The following ATG7 variants were observed in gnomAD, a reference collection of about 807,000 sequenced individuals.
ATG7 encodes the protein autophagy related 7.
A neutral mutation model predicts 82.4 loss-of-function variants in ATG7; 70 were observed. The observed-to-expected ratio is 0.85, with a 90% CI of 0.70 to 1.04. ATG7 has a LOEUF of 1.04. Ranked by LOEUF, ATG7 falls within the 50% of genes least tolerant of loss-of-function variation. The pLI is 0.00. For synonymous variants in ATG7, 287 were observed against 313.0 expected, an observed-to-expected ratio of 0.92 and a Z score of 0.88; for missense variants, 792 against 864.3, an observed-to-expected ratio of 0.92 and a Z score of 1.05.
intron 13 of ATG7, among the ~76,000 whole-genome samples, chr3:11,344,710 A>T (rs112955666): frequency 0.046 from 7,001 of 152,182 alleles, 206 homozygotes; most frequent in African/African-American, 0.079. Flanking sequence ...CTACAAAAAA[A>T]ATATAAAAAT....
At position 11,336,489 on chromosome 3, in the gene ATG7, T is replaced by C. The variant is rs566730596; in HGVS notation, c.889+3396T>C. Among the ~76,000 whole-genome samples, 16 of 152,314 alleles carry C rather than the reference T, an allele frequency of 1.1e-4. No homozygotes were observed. The South Asian group carries it at 3.3e-3, about 32-fold the overall frequency. ...GCAAATGAATTTCCTGTTTTTCATG[T>C]AAATTAATATGTTCCCTCTTAGCTG... On this transcript the variant is annotated intron_variant, in intron 11 of 20. Coordinates refer to ENST00000693202, the MANE Select transcript of ATG7 (RefSeq NM_001349232.2).
chr3:11,376,607 G>A (rs1314936735), intron 18 of ATG7, among the ~76,000 whole-genome samples: 1 of 152,130 alleles, frequency 6.6e-6, no homozygotes, highest in Non-Finnish European at 1.5e-5. Context: ...GAGGGAAGTT[G>A]TAGTTCAGCT....
chr3:11,406,648 CA>C (rs1482570205), intron 19 of ATG7, among the ~76,000 whole-genome samples: 2 of 152,170 alleles, frequency 1.3e-5, no homozygotes, highest in African/African-American at 4.8e-5. Flanking sequence ...ATCAGACTTA[CA>C]GTTCCACATG....
intron 20 of ATG7, among the ~76,000 whole-genome samples, chr3:11,447,972 ATTCCTGTGTCTG>A (rs771144292): frequency 2.6e-5 from 4 of 152,178 alleles, no homozygotes; most frequent in Non-Finnish European, 5.9e-5. Context: ...TCTTAGTTCT[ATTCCTGTGTCTG>A]TTCCTGTCCC....
At chr3:11,554,705 G>A in intron 20 of ATG7, 106 bp from the exon 21 acceptor site, 1 of 1,352,102 alleles carries the variant, frequency 7.4e-7, no homozygotes, top group Non-Finnish European at 1.0e-6. Context: ...CAAGGGAGTG[G>A]TTCTGCAGGT....
At chr3:11,439,851 C>T (rs926079165) in intron 20 of ATG7, among the ~76,000 whole-genome samples, 5 of 152,218 alleles carry the variant, frequency 3.3e-5, no homozygotes, top group African/African-American at 9.6e-5. Context: ...ATTGCGTTAT[C>T]TGTGATTTTC....
chr3:11,480,596 T>C (rs1357107217), intron 20 of ATG7, among the ~76,000 whole-genome samples: 7 of 152,120 alleles, frequency 4.6e-5, no homozygotes, highest in Non-Finnish European at 8.8e-5. Flanking sequence ...AACCTTACAA[T>C]CTGTGCTCAC....
intron 20 of ATG7, among the ~76,000 whole-genome samples, chr3:11,461,353 A>T (rs111806888): frequency 3.3e-5 from 5 of 152,182 alleles, no homozygotes; most frequent in African/African-American, 1.2e-4. Context: ...CCAAAGATAA[A>T]GTCACTTTGG....
At chr3:11,553,785 T>C (rs922592968) in intron 20 of ATG7, among the ~76,000 whole-genome samples, 4 of 151,986 alleles carry the variant, frequency 2.6e-5, no homozygotes, top group Non-Finnish European at 4.4e-5. Context: ...GAGAGGAAAT[T>C]TCCTTCTATT....
intron 20 of ATG7, among the ~76,000 whole-genome samples, chr3:11,474,078 C>A (rs1284854681): frequency 2.8e-5 from 1 of 36,076 alleles, no homozygotes; most frequent in Non-Finnish European, 1.0e-4. Context: ...TTCAGACTTA[C>A]CAAGTGTGTA....
intron 19 of ATG7, among the ~76,000 whole-genome samples, chr3:11,414,399 T>C (rs1395613465): frequency 6.6e-6 from 1 of 152,192 alleles, no homozygotes; most frequent in African/African-American, 2.4e-5. Context: ...TCCTGCACCC[T>C]ATGTATCCTG....
At chr3:11,330,749 G>C (rs1415190863) in intron 9 of ATG7, among the ~76,000 whole-genome samples, 1 of 152,180 alleles carries the variant, frequency 6.6e-6, no homozygotes, top group African/African-American at 2.4e-5. Context: ...GCAAGGACAG[G>C]CCAACTACTT....
At chr3:11,314,396 A>G (rs572498705) in intron 8 of ATG7, among the ~76,000 whole-genome samples, 43 of 105,910 alleles carry the variant, frequency 4.1e-4, no homozygotes, top group Admixed American at 4.0e-3. Context: ...GGGAGCAGCC[A>G]TTATTGATTA....
intron 20 of ATG7, among the ~76,000 whole-genome samples, chr3:11,475,030 CT>C (rs541118972): frequency 4.1e-3 from 585 of 143,978 alleles, no homozygotes; most frequent in Non-Finnish European, 4.7e-3. Context: ...AGTGACTTAA[CT>C]TTTTTTTTTT....
At chr3:11,280,890 C>T (rs913110220) in intron 1 of ATG7, 104 bp from the exon 2 acceptor site, 2 of 152,198 alleles carry the variant, frequency 1.3e-5, no homozygotes, top group Non-Finnish European at 2.9e-5. Context: ...AAGCCAAAGA[C>T]GTACTGCTAT....
intron 19 of ATG7, among the ~76,000 whole-genome samples, chr3:11,381,794 T>G (rs1172492895): frequency 6.6e-6 from 1 of 152,244 alleles, no homozygotes; most frequent in Non-Finnish European, 1.5e-5. Context: ...AAATTTCTTT[T>G]GTCCTGGAAA....
At chr3:11,330,716 A>G (rs932672720) in intron 9 of ATG7, among the ~76,000 whole-genome samples, 4 of 152,230 alleles carry the variant, frequency 2.6e-5, no homozygotes, top group African/African-American at 9.6e-5. Context: ...GTTATATACA[A>G]GGTTCAAAGA....
intron 12 of ATG7, 128 bp downstream of exon 12, chr3:11,340,863 T>G (rs1366039997): frequency 1.4e-6 from 1 of 721,802 alleles, no homozygotes; most frequent in African/African-American, 1.8e-5. Context: ...CGTGTGTTAC[T>G]CTGCTCTTCA....
intron 20 of ATG7, among the ~76,000 whole-genome samples, chr3:11,437,706 G>C (rs2083487751): frequency 6.6e-6 from 1 of 152,096 alleles, no homozygotes; most frequent in Non-Finnish European, 1.5e-5. Flanking sequence ...ATCTCTCTGT[G>C]TACGTGCATG....
Sources: gnomAD v4.1 joint callset for allele counts (sites outside exome capture counted in the v4.1 genomes callset) on GRCh38, gnomAD v4.1.1 for gene constraint, MANE v1.5 for transcripts, NCBI Gene and HGNC (gene_info 2026-07-23, HGNC 2026-07-21) for gene names.